SLC4A7: variants seen among roughly 807,000 people sequenced by gnomAD.
SLC4A7 encodes the protein sodium bicarbonate cotransporter 3.
A neutral mutation model predicts 137.6 loss-of-function variants in SLC4A7; 51 were observed. The observed-to-expected ratio is 0.37, with a 90% CI of 0.30 to 0.47. The LOEUF (loss-of-function observed/expected upper bound fraction) is 0.47, where lower values mean the gene tolerates loss of function less well. Ranked by LOEUF, SLC4A7 falls within the 20% of genes least tolerant of loss-of-function variation. The pLI, the probability that SLC4A7 is intolerant of heterozygous loss-of-function variation, is 1.00. For synonymous variants in SLC4A7, 542 were observed against 518.6 expected, an observed-to-expected ratio of 1.05 and a Z score of -0.61; for missense variants, 1,247 against 1,525.4, an observed-to-expected ratio of 0.82 and a Z score of 3.04.
At chr3:27,379,782 TACTC>T (rs568610076) in intron 24 of SLC4A7, among the ~76,000 whole-genome samples, 58 of 152,322 alleles carry the variant, frequency 3.8e-4, no homozygotes, top group African/African-American at 1.3e-3. Flanking sequence ...ATCAAATAAA[TACTC>T]AAAGTATGTA....
Position 27,448,561 on chromosome 3 carries a change from C to T in SLC4A7, c.289+90G>A, listed in dbSNP as rs771526602. 9.6e-6 allele frequency: 11 copies of T among 1,142,528 alleles called. No homozygotes were observed. In the Admixed American group the frequency reaches 2.4e-4, roughly 25 times the overall value. 70.8% of individuals were successfully genotyped at this position (1,142,528 alleles called of 1,614,324 possible). ...ATGTGACTACATTAATGCATACATA[C>T]AATTTTTAAAAGAAATATTCAATTA... On this transcript the variant is annotated intron_variant, in intron 3 of 25. Transcript: ENST00000454389.
chr3:27,387,173 A>C (rs2051051148), intron 22 of SLC4A7, among the ~76,000 whole-genome samples: 1 of 152,222 alleles, frequency 6.6e-6, no homozygotes, highest in Non-Finnish European at 1.5e-5. Flanking sequence ...AGTGAAGTAG[A>C]TGGCAAAGCA....
intron 6 of SLC4A7, 106 bp from the exon 7 acceptor site, chr3:27,431,775 C>T (rs1559751737): frequency 1.2e-5 from 14 of 1,160,880 alleles, no homozygotes; most frequent in Non-Finnish European, 1.5e-5. Context: ...ACTTCAAAGG[C>T]CCAAAATTTC....
At chr3:27,470,814 C>G (rs1197799421) in intron 1 of SLC4A7, among the ~76,000 whole-genome samples, 1 of 151,964 alleles carries the variant, frequency 6.6e-6, no homozygotes, top group Non-Finnish European at 1.5e-5. Context: ...TGGTGGCATG[C>G]GCCTGTACTC....
intron 7 of SLC4A7, among the ~76,000 whole-genome samples, chr3:27,428,062 G>C (rs1446063475): frequency 6.6e-6 from 1 of 152,200 alleles, no homozygotes; most frequent in Non-Finnish European, 1.5e-5. Context: ...ATGGAAGGAA[G>C]TAGCTTTTAA....
At position 27,457,039 on chromosome 3, in the gene SLC4A7, T is replaced by C. The variant is rs145295918; in HGVS notation, c.61-4541A>G. On this transcript the variant is annotated intron_variant, in intron 1 of 25. Transcript: ENST00000454389. ...ATATGTGGATGGATGTGTGAGAGTA[T>C]GGTTTATAATTATCATTGTAACCAA... 19 of 547,414 alleles carry C rather than the reference T, an allele frequency of 3.5e-5. No homozygotes were observed. The African/African-American group carries it at 3.7e-4, about 11-fold the overall frequency. The allele number at this position is 547,414 out of a possible 1,614,324, so 33.9% of individuals were successfully genotyped here.
chr3:27,424,774 AAG>A (rs1164555489), intron 7 of SLC4A7, among the ~76,000 whole-genome samples: 4 of 152,234 alleles, frequency 2.6e-5, no homozygotes, highest in Non-Finnish European at 5.9e-5. Flanking sequence ...TTGGCAGAGT[AAG>A]AGTTTTATAA....
intron 7 of SLC4A7, among the ~76,000 whole-genome samples, chr3:27,425,222 A>G (rs1264579748): frequency 6.6e-6 from 1 of 151,626 alleles, no homozygotes; most frequent in Non-Finnish European, 1.5e-5. Flanking sequence ...AATACAAAAT[A>G]AGCCGGGCGT....
At chr3:27,471,606 A>C (rs1435612928) in intron 1 of SLC4A7, among the ~76,000 whole-genome samples, 1 of 152,198 alleles carries the variant, frequency 6.6e-6, no homozygotes, top group Non-Finnish European at 1.5e-5. Context: ...TCCTGACCTC[A>C]GGTGATCCGC....
chr3:27,383,161 T>C lies in SLC4A7; in HGVS notation c.3582A>G (p.Leu1194=). The change falls in exon 24 of 26, where the codon CTA becomes CTG. Residue 1194 remains leucine, a synonymous_variant. Transcript: ENST00000454389. ...ATAAAGTCATATCTCACCTATATTTTAGGGCCTTGACTGGAATTTGCAAGA... is the reference window on the plus strand; with the variant it reads ...ATAAAGTCATATCTCACCTATATTTCAGGGCCTTGACTGGAATTTGCAAGA... The part of the protein sequence containing the change: ...GSLLQIPVKA[L]KYSVDPSIVN... 6.2e-7 allele frequency: 1 copy of C among 1,605,200 alleles called. No individual in the cohort carries two copies. Among genetic ancestry groups the C allele is most frequent in the Non-Finnish European group, 8.5e-7 (1 of 1,172,028 alleles).
At chr3:27,466,791 C>A (rs1266910717) in intron 1 of SLC4A7, among the ~76,000 whole-genome samples, 5 of 151,472 alleles carry the variant, frequency 3.3e-5, no homozygotes, top group Admixed American at 6.6e-5. Flanking sequence ...TGGGAGGCAG[C>A]AGTTTCAGAG....
intron 3 of SLC4A7, among the ~76,000 whole-genome samples, chr3:27,442,065 G>A (rs760319183): frequency 3.3e-5 from 5 of 151,510 alleles, no homozygotes; most frequent in East Asian, 2.0e-4. Flanking sequence ...TAGTAGAGAC[G>A]GGGTTTCACC....
intron 24 of SLC4A7, 25 bp downstream of exon 24, chr3:27,383,128 T>C: frequency 7.2e-7 from 1 of 1,394,442 alleles, no homozygotes. Flanking sequence ...ATATAAAAGT[T>C]TTAGAGCATA....
intron 3 of SLC4A7, among the ~76,000 whole-genome samples, chr3:27,443,777 G>C (rs1012545745): frequency 6.6e-6 from 1 of 151,974 alleles, no homozygotes; most frequent in Non-Finnish European, 1.5e-5. Context: ...AATCTGTCTT[G>C]GTTACCTGCC....
rs1576437729 is a variant in SLC4A7, at chr3:27,434,165, A to C, written c.590-61T>G. 5 of 1,236,904 alleles carry C rather than the reference A, an allele frequency of 4.0e-6. No homozygotes were observed. The East Asian group carries it at 1.0e-4, about 26-fold the overall frequency. The allele number at this position is 1,236,904 out of a possible 1,614,324, so 76.6% of individuals were successfully genotyped here. On this transcript the variant is annotated intron_variant, in intron 5 of 25. Transcript: ENST00000454389. The stretch of plus-strand genomic sequence containing the variant: ...TCAGATGACCATAATATAGGAATAA[A>C]CTGTGAGTGAAACCTTATGACAAAA...
intron 1 of SLC4A7, among the ~76,000 whole-genome samples, chr3:27,461,607 A>C (rs970270473): frequency 5.1e-5 from 4 of 78,880 alleles, no homozygotes; most frequent in Non-Finnish European, 1.2e-4. Context: ...CCTCGTTTAC[A>C]AAAAAAAAAA....
chr3:27,418,127 A>T (rs1455437905), intron 11 of SLC4A7, among the ~76,000 whole-genome samples: 1 of 152,216 alleles, frequency 6.6e-6, no homozygotes, highest in Non-Finnish European at 1.5e-5. Flanking sequence ...TGCATAGAAT[A>T]CAACAAAGCT....
chr3:27,433,789 G>A lies in SLC4A7; in HGVS notation c.778+127C>T, dbSNP rs1027722945. On this transcript the variant is annotated intron_variant, in intron 6 of 25. Transcript: ENST00000454389. Reference sequence around the variant, plus strand: ...AGAGGCCTTGAAAAGAAACAAAGCAGGAAGGAGAAGTAATTCAGAGGTAGG... The same window carrying A: ...AGAGGCCTTGAAAAGAAACAAAGCAAGAAGGAGAAGTAATTCAGAGGTAGG... 8.2e-6 allele frequency: 6 copies of A among 728,840 alleles called. No homozygotes were observed. The African/African-American group carries it at 1.1e-4, about 13-fold the overall frequency. 45.1% of individuals were successfully genotyped at this position (728,840 alleles called of 1,614,324 possible).
intron 11 of SLC4A7, among the ~76,000 whole-genome samples, chr3:27,412,823 A>G (rs1293122176): frequency 6.6e-6 from 1 of 152,150 alleles, no homozygotes; most frequent in Non-Finnish European, 1.5e-5. Context: ...AAAACCCATG[A>G]GACCCAGCCA....
Sources: gnomAD v4.1 joint callset for allele counts (sites outside exome capture counted in the v4.1 genomes callset) on GRCh38, gnomAD v4.1.1 for gene constraint, MANE v1.5 for transcripts, NCBI Gene and HGNC (gene_info 2026-07-23, HGNC 2026-07-21) for gene names.